NAA15: variants seen among roughly 807,000 people sequenced by gnomAD.
NAA15 encodes the protein N-terminal acetyltransferase.
Under a neutral mutation model 114.0 loss-of-function variants are expected in NAA15, and 34 were observed. That is an observed-to-expected ratio of 0.30 (90% CI 0.23 to 0.40). The LOEUF (loss-of-function observed/expected upper bound fraction) is 0.40, where lower values mean the gene tolerates loss of function less well. NAA15 is among the 10% of genes least tolerant of loss of function. NAA15 has a pLI of 1.00. For missense variants in NAA15, 658 were observed against 1,004.5 expected, an observed-to-expected ratio of 0.66 and a Z score of 4.66; for synonymous variants, 340 against 338.0, an observed-to-expected ratio of 1.01 and a Z score of -0.06.
At chr4:139,327,314 A>G (rs1371024308) in intron 1 of NAA15, among the ~76,000 whole-genome samples, 1 of 152,098 alleles carries the variant, frequency 6.6e-6, no homozygotes, top group Non-Finnish European at 1.5e-5. Flanking sequence ...CAGTGGTGCA[A>G]TTTCTGCTCA....
chr4:139,345,677 T>C (rs746413614), intron 6 of NAA15, among the ~76,000 whole-genome samples: 1 of 151,996 alleles, frequency 6.6e-6, no homozygotes, highest in Non-Finnish European at 1.5e-5. Flanking sequence ...TCCCAGCACT[T>C]TGGGAGGCCG....
At position 139,386,172 on chromosome 4, in the gene NAA15, A is replaced by C; in HGVS notation, c.2342A>C (p.Lys781Thr). The change falls in exon 19 of 20, where the codon AAG becomes ACG. Residue 781 changes from lysine to threonine, a missense_variant. By Grantham distance (78) the Lys-to-Thr change is moderately conservative. Coordinates refer to ENST00000296543, the MANE Select transcript of NAA15 (RefSeq NM_057175.5). ...MVYYLDPSSQ[K>T]RAIELATTLD... ...TATTACTTAGATCCTTCTAGTCAGA[A>C]GCGAGCTATAGAGTTGGCAACAACA... 1 of 1,611,210 alleles carries C rather than the reference A, an allele frequency of 6.2e-7. No homozygotes were observed. Among genetic ancestry groups the C allele is most frequent in the Non-Finnish European group, 8.5e-7 (1 of 1,178,564 alleles).
chr4:139,309,278 G>A (rs530957950), intron 1 of NAA15, among the ~76,000 whole-genome samples: 1 of 151,712 alleles, frequency 6.6e-6, no homozygotes, highest in African/African-American at 2.4e-5. Context: ...AACCCAGGAG[G>A]TGGAGGTTGC....
rs551041700 is a variant in NAA15 at position 139,362,702 on chromosome 4, T to C, written c.1753+765T>C. Among the ~76,000 whole-genome samples the C allele has an allele frequency of 8.3e-4, 127 of 152,324 alleles. 5 individuals are homozygous for C. In the South Asian group the frequency reaches 0.022, roughly 27 times the overall value. On this transcript the variant is annotated intron_variant, in intron 14 of 19. Coordinates refer to ENST00000296543, the MANE Select transcript of NAA15 (RefSeq NM_057175.5). The stretch of plus-strand genomic sequence containing the variant: ...GCTAGGAAAATTGCACAGTGACTTA[T>C]CATTTGACTCATTTTTAATGTACCG...
intron 1 of NAA15, among the ~76,000 whole-genome samples, chr4:139,325,712 C>T (rs1746777765): frequency 2.0e-5 from 3 of 152,078 alleles, no homozygotes; most frequent in Non-Finnish European, 2.9e-5. Context: ...GCAGTGTTAC[C>T]ATCACGGCTC....
At position 139,340,896 on chromosome 4, in the gene NAA15, T is replaced by G; in HGVS notation, c.245-16T>G. 1 of 1,532,102 alleles carries G rather than the reference T, an allele frequency of 6.5e-7. No homozygotes were observed. The highest frequency in any genetic ancestry group is 8.7e-7 in the Non-Finnish European group (1 of 1,143,766). The allele number at this position is 1,532,102 out of a possible 1,614,324, so 94.9% of individuals were successfully genotyped here. On this transcript the variant is annotated splice_polypyrimidine_tract_variant and intron_variant, in intron 3 of 19. Transcript: ENST00000296543. ...ATTTTTGACTTGTAGGTTGTACCCT[T>G]AACTAAATTCTTTAGGTTGGCACGT...
At chr4:139,333,289 T>C (rs1747085836) in intron 1 of NAA15, among the ~76,000 whole-genome samples, 1 of 152,218 alleles carries the variant, frequency 6.6e-6, no homozygotes, top group Non-Finnish European at 1.5e-5. Context: ...TAATTTTCAC[T>C]CTGACTTTTG....
At chr4:139,346,442 A>G (rs1455741605) in intron 6 of NAA15, among the ~76,000 whole-genome samples, 2 of 152,216 alleles carry the variant, frequency 1.3e-5, no homozygotes, top group Admixed American at 1.3e-4. Context: ...CAATCTTTAG[A>G]AATTCAAGGC....
At chr4:139,363,861 T>C (rs1045759311) in intron 14 of NAA15, among the ~76,000 whole-genome samples, 1 of 152,226 alleles carries the variant, frequency 6.6e-6, no homozygotes, top group African/African-American at 2.4e-5. Flanking sequence ...TAGTTTACAA[T>C]TAATATATTT....
At chr4:139,379,531 A>G (rs566641257) in intron 17 of NAA15, among the ~76,000 whole-genome samples, 4 of 152,292 alleles carry the variant, frequency 2.6e-5, no homozygotes, top group African/African-American at 7.2e-5. Flanking sequence ...TTTCTACTGT[A>G]AGAACTGTAC....
intron 9 of NAA15, 141 bp from the exon 10 acceptor site, chr4:139,353,885 G>A (rs1465892311): frequency 1.6e-6 from 1 of 606,652 alleles, no homozygotes; most frequent in African/African-American, 1.9e-5. Context: ...TTTGTATCTA[G>A]AGGTTAAGAT....
At chr4:139,371,242 A>C (rs959526276) in intron 15 of NAA15, among the ~76,000 whole-genome samples, 3 of 152,134 alleles carry the variant, frequency 2.0e-5, no homozygotes, top group Non-Finnish European at 2.9e-5. Context: ...GAGTTGGAGA[A>C]TATGTTTTGA....
intron 1 of NAA15, among the ~76,000 whole-genome samples, chr4:139,324,848 A>G (rs888963353): frequency 1.3e-5 from 2 of 152,130 alleles, no homozygotes; most frequent in Admixed American, 1.3e-4. Flanking sequence ...ATTGAGATCT[A>G]TTTACTTAAA....
intron 17 of NAA15, among the ~76,000 whole-genome samples, chr4:139,380,010 A>G (rs1180671236): frequency 6.6e-6 from 1 of 152,120 alleles, no homozygotes; most frequent in Non-Finnish European, 1.5e-5. Flanking sequence ...ACGCCACTAC[A>G]CTCCAGCCTG....
At chr4:139,341,804 T>C (rs1293845277) in intron 4 of NAA15, among the ~76,000 whole-genome samples, 2 of 151,516 alleles carry the variant, frequency 1.3e-5, no homozygotes, top group Non-Finnish European at 2.9e-5. Flanking sequence ...TCACTGCAGC[T>C]TCCACCTCCT....
Position 139,388,079 on chromosome 4 carries a change from AT to A in NAA15, c.2599del (p.Ter867GlufsTer4). On this transcript the variant is annotated frameshift_variant, in exon 20 of 20. Transcript: ENST00000296543. LOFTEE classifies it high-confidence loss of function. ...SAEAEELANE[I>X] is the part of the protein sequence containing the mutation. ...AGAAGCTGAAGAACTGGCCAATGAA[AT>A]TTGAACATCACTAAACAAGCAAATG... The A allele has an allele frequency of 6.2e-7, 1 of 1,613,508 alleles. No individual in the cohort carries two copies. The highest frequency in any genetic ancestry group is 1.1e-5 in the South Asian group (1 of 91,036).
intron 1 of NAA15, among the ~76,000 whole-genome samples, chr4:139,327,693 TCTCA>T (rs1746848397): frequency 6.6e-6 from 1 of 152,188 alleles, no homozygotes; most frequent in Admixed American, 6.5e-5. Flanking sequence ...TGAGACAGAG[TCTCA>T]CTCTGTTGCC....
chr4:139,318,923 A>G (rs1314918732), intron 1 of NAA15, among the ~76,000 whole-genome samples: 3 of 152,244 alleles, frequency 2.0e-5, no homozygotes, highest in African/African-American at 7.2e-5. Context: ...TGAATAAAAG[A>G]AAACAGAATT....
intron 16 of NAA15, among the ~76,000 whole-genome samples, chr4:139,377,453 G>C (rs982150505): frequency 6.6e-6 from 1 of 151,854 alleles, no homozygotes; most frequent in Non-Finnish European, 1.5e-5. Flanking sequence ...CAGGAGAATC[G>C]CTTGAACCCG....
Sources: allele counts gnomAD v4.1 joint callset (sites outside exome capture counted in the v4.1 genomes callset), GRCh38; gene constraint gnomAD v4.1.1; transcripts MANE v1.5; gene names NCBI Gene and HGNC (gene_info 2026-07-23, HGNC 2026-07-21).